The following ABCA8 variants were observed in gnomAD, a reference collection of about 807,000 sequenced individuals.
ABCA8 encodes the protein ABC-type organic anion transporter ABCA8.
A neutral mutation model predicts 192.3 loss-of-function variants in ABCA8; 177 were observed. The observed-to-expected ratio is 0.92, with a 90% confidence interval of 0.81 to 1.04. ABCA8 has a LOEUF of 1.04. Among genes scored for constraint, ABCA8 ranks in the 50% least tolerant of loss-of-function variants. The pLI, the probability that ABCA8 is intolerant of heterozygous loss-of-function variation, is 0.00. For synonymous variants in ABCA8, 642 were observed against 690.2 expected, an observed-to-expected ratio of 0.93 and a Z score of 1.09; for missense variants, 1,915 against 1,904.8, an observed-to-expected ratio of 1.01 and a Z score of -0.10.
At chr17:68,950,695 CTTT>C (rs1421249152) in intron 1 of ABCA8, among the ~76,000 whole-genome samples, 2 of 151,928 alleles carry the variant, frequency 1.3e-5, no homozygotes, top group South Asian at 2.1e-4. Flanking sequence ...TATTTCTACT[CTTT>C]TTGGGGGTTG....
Position 68,894,895 on chromosome 17 carries a change from C to A in ABCA8, c.2883G>T (p.Val961=). Reference sequence around the variant, plus strand: ...ACCTGCATACCTTTTCATTACAACACACTGTGATGGCTCCATTATAAGATG... The same window carrying A: ...ACCTGCATACCTTTTCATTACAACAAACTGTGATGGCTCCATTATAAGATG... The part of the protein sequence containing the change: ...DDPSYNGAIT[V]CCNEKNYSFS... Residue 961 remains valine, a synonymous_variant, in exon 22 of 40, where the codon GTG becomes GTT. Transcript: ENST00000586539. 3.1e-6 allele frequency: 5 copies of A among 1,613,058 alleles called. No homozygotes were observed. The highest frequency in any genetic ancestry group is 4.2e-6 in the Non-Finnish European group (5 of 1,179,542).
rs2067784757 is a variant in ABCA8, at chr17:68,929,124, G to A, written c.1050C>T (p.Tyr350=). The A allele has an allele frequency of 6.2e-7, 1 of 1,611,578 alleles. No individual in the cohort carries two copies. Reference sequence around the variant, plus strand: ...ACTCCAAGGATGCAGGAAGGTGTCTGTACAGTGATGTGAACCCCAGACACC... The same window carrying A: ...ACTCCAAGGATGCAGGAAGGTGTCTATACAGTGATGTGAACCCCAGACACC... ...FWGCLGFTSL[Y]RHLPASLEWI... is the part of the protein sequence containing the mutation. The change falls in exon 9 of 40, where the codon TAC becomes TAT. Residue 350 remains tyrosine, a synonymous_variant. Coordinates refer to ENST00000586539, the MANE Select transcript of ABCA8 (RefSeq NM_001288985.2).
chr17:68,917,969 T>C (rs1334228748), intron 16 of ABCA8, 78 bp downstream of exon 16: 14 of 1,531,076 alleles, frequency 9.1e-6, no homozygotes, highest in East Asian at 2.3e-5. Flanking sequence ...TTACAAAATA[T>C]AACTGTTCAG....
chr17:68,946,087 A>C (rs1256485720), intron 2 of ABCA8, among the ~76,000 whole-genome samples: 2 of 147,374 alleles, frequency 1.4e-5, no homozygotes, highest in African/African-American at 2.6e-5. Flanking sequence ...TTAATTTTTG[A>C]GATGGAGTCT....
intron 24 of ABCA8, among the ~76,000 whole-genome samples, chr17:68,890,837 G>A (rs747153873): frequency 8.5e-5 from 13 of 152,086 alleles, no homozygotes; most frequent in African/African-American, 1.9e-4. Context: ...TTTTTTATTC[G>A]TGTTTTACAA....
In ABCA8 at chr17:68,932,451, G is replaced by T. The variant is rs2067925648; in HGVS notation, c.634C>A (p.His212Asn). 6.2e-7 allele frequency: 1 copy of T among 1,613,876 alleles called. No homozygotes were observed. The highest frequency in any genetic ancestry group is 1.7e-5 in the Admixed American group (1 of 60,010). ...MSVTGKNMKM[H>N]SFIGQSGVIT... ...ACTCCTGATTGACCAATGAAGGAAT[G>T]CATCTTCATATTTTTTCCAGTAACT... The change falls in exon 7 of 40, where the codon CAT (histidine) becomes AAT (asparagine). Residue 212 changes from histidine (H) to asparagine (N), a missense_variant. His to Asn is a moderately conservative substitution (Grantham distance 68). Transcript: ENST00000586539.
At chr17:68,932,626 T>C (rs910281176) in intron 6 of ABCA8, 112 bp from the exon 7 acceptor site, 23 of 780,440 alleles carry the variant, frequency 2.9e-5, no homozygotes, top group Non-Finnish European at 4.0e-5. Context: ...GATTTGATAC[T>C]AACCTAAATT....
At chr17:68,901,326 A>G (rs975356385) in intron 21 of ABCA8, among the ~76,000 whole-genome samples, 3 of 152,234 alleles carry the variant, frequency 2.0e-5, no homozygotes, top group Non-Finnish European at 4.4e-5. Context: ...AAAAGAAAAC[A>G]GACATTTCTA....
At chr17:68,944,359 T>TATATATACATACATAC (rs765731645) in intron 2 of ABCA8, among the ~76,000 whole-genome samples, 1 of 69,462 alleles carries the variant, frequency 1.4e-5, no homozygotes, top group African/African-American at 5.5e-5. Flanking sequence ...TATATATATA[T>TATATATACATACATAC]ACACATATAC....
chr17:68,877,977 G>T (rs758155484), intron 32 of ABCA8: 1 of 271,896 alleles, frequency 3.7e-6, no homozygotes, highest in Non-Finnish European at 6.8e-6. Flanking sequence ...CTGTCAAAAT[G>T]AAGCATATTG....
Position 68,944,318 on chromosome 17 carries a change from ATATATATATATATATATATATAT to A in ABCA8, c.-5-2302_-5-2280del, listed in dbSNP as rs2068322967. Among the ~76,000 whole-genome samples, 43 of 55,064 alleles carry A rather than the reference ATATATATATATATATATATATAT, an allele frequency of 7.8e-4. 3 individuals are homozygous for A. The highest frequency in any genetic ancestry group is 6.8e-4 in the East Asian group (1 of 1,466). 36.1% of individuals were successfully genotyped at this position (55,064 alleles called of 152,430 possible). A position where few individuals can be genotyped will look rare whatever the true frequency, so the allele number is the denominator to read the frequency against. ...CACATGTAGCCCAGAACTTAAAGTTATATATATATATATATATATATATATATATATATATATATATACACATA... is the reference window on the plus strand; with the variant it reads ...CACATGTAGCCCAGAACTTAAAGTTAATATATATATATATATATACACATA... On this transcript the variant is annotated intron_variant, in intron 2 of 39. Transcript: ENST00000586539.
At chr17:68,914,880 G>A (rs528788170) in intron 17 of ABCA8, among the ~76,000 whole-genome samples, 16 of 111,314 alleles carry the variant, frequency 1.4e-4, no homozygotes, top group African/African-American at 5.3e-4. Flanking sequence ...TCACATCATC[G>A]GACTTCAAAT....
At chr17:68,917,695 C>G (rs1163185474) in intron 16 of ABCA8, among the ~76,000 whole-genome samples, 1 of 151,942 alleles carries the variant, frequency 6.6e-6, no homozygotes, top group African/African-American at 2.4e-5. Context: ...GAAAATTATC[C>G]CATTATATAT....
At position 68,886,998 on chromosome 17, in the gene ABCA8, C is replaced by A; in HGVS notation, c.3429+19G>T. The A allele has an allele frequency of 1.3e-6, 2 of 1,531,366 alleles. No individual in the cohort carries two copies. Among genetic ancestry groups the A allele is most frequent in the South Asian group, 2.3e-5 (2 of 88,868 alleles). The allele number at this position is 1,531,366 out of a possible 1,614,324, so 94.9% of individuals were successfully genotyped here. A position where few individuals can be genotyped will look rare whatever the true frequency, so the allele number is the denominator to read the frequency against. ...TATATCAAATATATACAGTATACAT[C>A]CACAAGAAATATACTTACAACATAG... On this transcript the variant is annotated intron_variant, in intron 26 of 39. Transcript: ENST00000586539.
intron 19 of ABCA8, among the ~76,000 whole-genome samples, chr17:68,904,885 A>T (rs189372517): frequency 1.3e-5 from 2 of 152,242 alleles, no homozygotes; most frequent in Admixed American, 1.3e-4. Flanking sequence ...GGAGAGATGT[A>T]TACTAACAAA....
intron 14 of ABCA8, 145 bp downstream of exon 14, chr17:68,919,156 A>C: frequency 5.7e-6 from 4 of 700,456 alleles, no homozygotes; most frequent in Non-Finnish European, 9.2e-6. Flanking sequence ...AATTATATGC[A>C]ATGTTAGCTA....
At chr17:68,882,509 C>A in intron 30 of ABCA8, 90 bp downstream of exon 30, 1 of 1,198,550 alleles carries the variant, frequency 8.3e-7, no homozygotes, top group East Asian at 2.5e-5. Flanking sequence ...AAATAGTGAT[C>A]CTCATTTGTA....
At chr17:68,935,243 C>T (rs561812013) in intron 5 of ABCA8, among the ~76,000 whole-genome samples, 61 of 133,488 alleles carry the variant, frequency 4.6e-4, no homozygotes, top group Non-Finnish European at 7.3e-4. Context: ...TACAGGCAGA[C>T]GCTGCCACGC....
intron 10 of ABCA8, 52 bp downstream of exon 10, chr17:68,927,864 C>A (rs946623258): frequency 2.2e-6 from 3 of 1,338,436 alleles, no homozygotes; most frequent in Non-Finnish European, 3.0e-6. Context: ...GATTTGTTTT[C>A]AGAAATAAAA....
Sources: gnomAD v4.1 joint callset for allele counts (sites outside exome capture counted in the v4.1 genomes callset) on GRCh38, gnomAD v4.1.1 for gene constraint, MANE v1.5 for transcripts, NCBI Gene and HGNC (gene_info 2026-07-23, HGNC 2026-07-21) for gene names.